The following FERMT2 variants were observed in gnomAD, a reference collection of about 807,000 sequenced individuals.
The protein encoded by FERMT2 is fermitin family homolog 2.
FERMT2 carries 15 observed loss-of-function variants against 82.7 expected under a neutral mutation model. The observed-to-expected ratio is 0.18, with a 90% confidence interval of 0.12 to 0.28. The LOEUF (loss-of-function observed/expected upper bound fraction) is 0.28, where lower values mean the gene tolerates loss of function less well. Among genes scored for constraint, FERMT2 ranks in the 10% least tolerant of loss-of-function variants. The pLI is 1.00. For missense variants in FERMT2, 645 were observed against 809.4 expected, an observed-to-expected ratio of 0.80 and a Z score of 2.46; for synonymous variants, 274 against 271.5, an observed-to-expected ratio of 1.01 and a Z score of -0.09.
intron 3 of FERMT2, among the ~76,000 whole-genome samples, chr14:52,896,920 T>C (rs1306837404): frequency 6.6e-6 from 1 of 151,658 alleles, no homozygotes; most frequent in Non-Finnish European, 1.5e-5. Flanking sequence ...TGCCTGAGCC[T>C]GGAAGCTGCA....
chr14:52,933,007 A>G (rs1889658559), intron 2 of FERMT2, among the ~76,000 whole-genome samples: 1 of 151,946 alleles, frequency 6.6e-6, no homozygotes, highest in African/African-American at 2.4e-5. Context: ...ACAAAATGTA[A>G]AACAACAAAG....
At chr14:52,885,835 A>G (rs1886569252) in intron 4 of FERMT2, among the ~76,000 whole-genome samples, 1 of 152,100 alleles carries the variant, frequency 6.6e-6, no homozygotes, top group Non-Finnish European at 1.5e-5. Flanking sequence ...TTATCAAAAG[A>G]ATTTTTATGG....
chr14:52,939,192 TAAAAA>T (rs34395615), intron 2 of FERMT2, among the ~76,000 whole-genome samples: 1 of 86,048 alleles, frequency 1.2e-5, no homozygotes, highest in African/African-American at 4.6e-5. Context: ...CCATCTCTAC[TAAAAA>T]AAAAAAAAAA....
At chr14:52,924,227 G>A (rs1044399662) in intron 2 of FERMT2, among the ~76,000 whole-genome samples, 1 of 152,194 alleles carries the variant, frequency 6.6e-6, no homozygotes, top group African/African-American at 2.4e-5. Context: ...ATCAGCAGGA[G>A]GTGGCATCAG....
intron 14 of FERMT2, 98 bp from the exon 15 acceptor site, chr14:52,858,648 A>C: frequency 1.9e-6 from 2 of 1,050,926 alleles, no homozygotes; most frequent in Non-Finnish European, 2.8e-6. Flanking sequence ...ATATCACAAA[A>C]CACTTGTTGA....
intron 3 of FERMT2, among the ~76,000 whole-genome samples, chr14:52,907,126 G>A (rs1157128496): frequency 6.6e-6 from 1 of 151,984 alleles, no homozygotes; most frequent in Non-Finnish European, 1.5e-5. Flanking sequence ...GATCCTCCCC[G>A]CTTAACCTCC....
At chr14:52,872,956 C>G (rs765356154) in intron 9 of FERMT2, 33 bp from the exon 10 acceptor site, 5 of 1,604,814 alleles carry the variant, frequency 3.1e-6, no homozygotes, top group Non-Finnish European at 4.3e-6. Context: ...AACAAAATCA[C>G]TTGGAAGTAA....
At chr14:52,865,850 G>A (rs1017551395) in intron 10 of FERMT2, among the ~76,000 whole-genome samples, 4 of 152,050 alleles carry the variant, frequency 2.6e-5, no homozygotes, top group African/African-American at 4.8e-5. Context: ...TAAAGGAGAG[G>A]CCCTCTTTAT....
chr14:52,925,460 G>A (rs1350085878), intron 2 of FERMT2, among the ~76,000 whole-genome samples: 4 of 151,186 alleles, frequency 2.6e-5, no homozygotes, highest in East Asian at 3.9e-4. Context: ...TGGGAAGGCT[G>A]AGGCAGGAGA....
intron 2 of FERMT2, among the ~76,000 whole-genome samples, chr14:52,942,010 T>C (rs930742806): frequency 6.6e-5 from 10 of 152,164 alleles, no homozygotes; most frequent in Non-Finnish European, 1.5e-4. Context: ...TATTTTTTCT[T>C]GTTGTTTAGA....
intron 3 of FERMT2, among the ~76,000 whole-genome samples, chr14:52,907,826 A>G (rs909333878): frequency 2.6e-5 from 4 of 152,212 alleles, no homozygotes; most frequent in Admixed American, 2.6e-4. Context: ...AAGGAGGGAA[A>G]CAGAAAAGAA....
intron 3 of FERMT2, among the ~76,000 whole-genome samples, chr14:52,898,207 TAAAG>T (rs1175956159): frequency 6.6e-6 from 1 of 152,166 alleles, no homozygotes; most frequent in Non-Finnish European, 1.5e-5. Context: ...GTATATCTAA[TAAAG>T]AGCAGAAATC....
At chr14:52,926,705 G>C (rs1054770967) in intron 2 of FERMT2, among the ~76,000 whole-genome samples, 2 of 152,100 alleles carry the variant, frequency 1.3e-5, no homozygotes, top group African/African-American at 4.8e-5. Context: ...AAAAAGGCTC[G>C]GGGGTGGGGC....
rs1045875723 is a variant in FERMT2 at position 52,950,554 on chromosome 14, C to T, written c.15G>A (p.Gly5=). The change falls in exon 2 of 15, where the codon GGG becomes GGA. Residue 5 remains glycine, a synonymous_variant. Coordinates refer to ENST00000341590, the MANE Select transcript of FERMT2 (RefSeq NM_006832.3). ...CGTAGCAGCCATCTGGCATCCTTAT[C>T]CCGTCCAGAGCCATGGCTCCTTCCT... The part of the protein sequence containing the change: MALD[G]IRMPDGCYAD... The T allele has an allele frequency of 1.2e-6, 2 of 1,614,010 alleles. No homozygotes were observed. The highest frequency in any genetic ancestry group is 2.7e-5 in the African/African-American group (2 of 74,936).
chr14:52,897,282 C>T (rs1047067412), intron 3 of FERMT2, among the ~76,000 whole-genome samples: 2 of 151,996 alleles, frequency 1.3e-5, no homozygotes, highest in Non-Finnish European at 2.9e-5. Flanking sequence ...AATAATTCTA[C>T]AAACATCTAT....
At chr14:52,858,619 G>T in intron 14 of FERMT2, 69 bp from the exon 15 acceptor site, 1 of 1,424,586 alleles carries the variant, frequency 7.0e-7, no homozygotes, top group Non-Finnish European at 9.8e-7. Flanking sequence ...CAAAACTACT[G>T]TGCTACTTAA....
rs116209416 is a variant in FERMT2 at position 52,941,667 on chromosome 14, A to G, written c.157+8745T>C. Among the ~76,000 whole-genome samples the G allele has an allele frequency of 9.2e-3, 1,402 of 152,306 alleles. 20 individuals are homozygous for G. Among genetic ancestry groups the G allele is most frequent in the African/African-American group, 0.032 (1,318 of 41,564 alleles). ...TAAATGTTCCATGGCATAAGCATTA[A>G]TTTGTCAGTAAAATAATTATTTAAA... is the stretch of plus-strand genomic sequence containing the variant. On this transcript the variant is annotated intron_variant, in intron 2 of 14. Coordinates refer to ENST00000341590, the MANE Select transcript of FERMT2 (RefSeq NM_006832.3).
chr14:52,916,533 G>A (rs1888624086), intron 3 of FERMT2, among the ~76,000 whole-genome samples: 1 of 152,130 alleles, frequency 6.6e-6, no homozygotes, highest in Non-Finnish European at 1.5e-5. Flanking sequence ...GTGGTGATGA[G>A]GAGAGAGGGA....
chr14:52,878,382 T>C (rs1022724808), intron 7 of FERMT2, among the ~76,000 whole-genome samples, 200 bp downstream of exon 7: 23 of 152,192 alleles, frequency 1.5e-4, no homozygotes, highest in Admixed American at 1.4e-3. Context: ...AGTACTTAAG[T>C]ATACCACTGA....
Sources: gnomAD v4.1 joint callset for allele counts (sites outside exome capture counted in the v4.1 genomes callset) on GRCh38, gnomAD v4.1.1 for gene constraint, MANE v1.5 for transcripts, NCBI Gene and HGNC (gene_info 2026-07-23, HGNC 2026-07-21) for gene names.